The following CCNYL1 variants were observed in gnomAD, a reference collection of about 807,000 sequenced individuals.
The protein encoded by CCNYL1 is cyclin-Y-like protein 1.
CCNYL1 carries 16 observed loss-of-function variants against 44.2 expected under a neutral mutation model. The ratio of observed to expected loss-of-function variants is 0.36; its 90% confidence interval spans 0.25 to 0.55. The LOEUF is 0.55. CCNYL1 is among the 20% of genes least tolerant of loss of function. The pLI is 0.85. For missense variants in CCNYL1, 348 were observed against 451.8 expected, an observed-to-expected ratio of 0.77 and a Z score of 2.08; for synonymous variants, 159 against 163.2, an observed-to-expected ratio of 0.97 and a Z score of 0.20.
chr2:207,728,518 C>CA (rs2091697861), intron 3 of CCNYL1, among the ~76,000 whole-genome samples: 1 of 152,016 alleles, frequency 6.6e-6, no homozygotes, highest in Admixed American at 6.6e-5. Context: ...TCAAGCCATC[C>CA]ACCTGCATCA....
At chr2:207,730,928 C>T (rs545637106) in intron 3 of CCNYL1, among the ~76,000 whole-genome samples, 33 of 152,156 alleles carry the variant, frequency 2.2e-4, no homozygotes, top group African/African-American at 7.5e-4. Context: ...GTCAATCTGC[C>T]ATGTTTAACC....
intron 1 of CCNYL1, among the ~76,000 whole-genome samples, chr2:207,722,756 T>G (rs1473084690): frequency 1.3e-5 from 2 of 151,980 alleles, no homozygotes; most frequent in African/African-American, 4.8e-5. Flanking sequence ...GTCAGGAGTT[T>G]GAGACCAGCC....
intron 1 of CCNYL1, among the ~76,000 whole-genome samples, chr2:207,715,679 CTTTT>C (rs368268330): frequency 7.2e-6 from 1 of 139,368 alleles, no homozygotes; most frequent in Non-Finnish European, 1.6e-5. Context: ...CGCGCCTGGC[CTTTT>C]TTTTTTTTTT....
chr2:207,751,187 A>C, intron 9 of CCNYL1, 68 bp downstream of exon 9: 3 of 1,375,864 alleles, frequency 2.2e-6, no homozygotes, highest in Non-Finnish European at 3.0e-6. Flanking sequence ...TGACTAAATC[A>C]TATTAAGTAG....
At chr2:207,750,525 G>C (rs1183243676) in intron 8 of CCNYL1, among the ~76,000 whole-genome samples, 1 of 152,120 alleles carries the variant, frequency 6.6e-6, no homozygotes, top group African/African-American at 2.4e-5. Flanking sequence ...CCTTTTGTTG[G>C]TGCTTCTCTA....
intron 1 of CCNYL1, among the ~76,000 whole-genome samples, chr2:207,716,739 G>A (rs568301106): frequency 6.6e-6 from 1 of 152,292 alleles, no homozygotes; most frequent in South Asian, 2.1e-4. Context: ...TTTGATGACT[G>A]ATGCCTTGTA....
At chr2:207,741,740 G>A (rs1224583222) in intron 6 of CCNYL1, among the ~76,000 whole-genome samples, 1 of 151,996 alleles carries the variant, frequency 6.6e-6, no homozygotes, top group Non-Finnish European at 1.5e-5. Flanking sequence ...CAGCTACTCA[G>A]GAGGCTGAGG....
intron 4 of CCNYL1, among the ~76,000 whole-genome samples, chr2:207,737,071 A>G (rs2091771321): frequency 6.6e-6 from 1 of 152,052 alleles, no homozygotes; most frequent in Non-Finnish European, 1.5e-5. Flanking sequence ...GCCTGCTACC[A>G]CGCCCGGCTA....
chr2:207,753,638 A>G lies in CCNYL1; in HGVS notation c.1020A>G (p.Arg340=), dbSNP rs755287700. The change falls in exon 10 of 10, where the codon AGA becomes AGG. Residue 340 remains arginine, a synonymous_variant. Coordinates refer to ENST00000295414, the MANE Select transcript of CCNYL1 (RefSeq NM_001330218.2). The part of the protein sequence containing the change: ...EDKDLCRAAM[R]RSFSADNFIG... Reference sequence around the variant, plus strand: ...AAGACTTGTGTAGAGCCGCTATGAGAAGGTCTTTCAGTGCTGATAACTTCA... The same window carrying G: ...AAGACTTGTGTAGAGCCGCTATGAGGAGGTCTTTCAGTGCTGATAACTTCA... The G allele has an allele frequency of 1.9e-6, 3 of 1,613,186 alleles. No homozygotes were observed. Among genetic ancestry groups the G allele is most frequent in the Non-Finnish European group, 2.5e-6 (3 of 1,179,494 alleles).
At chr2:207,737,565 C>G in intron 5 of CCNYL1, 119 bp downstream of exon 5, 1 of 722,900 alleles carries the variant, frequency 1.4e-6, no homozygotes, top group Non-Finnish European at 2.2e-6. Flanking sequence ...CAGTATTGAA[C>G]TGAATCATTT....
At chr2:207,741,062 T>C (rs1262537022) in intron 6 of CCNYL1, among the ~76,000 whole-genome samples, 1 of 151,448 alleles carries the variant, frequency 6.6e-6, no homozygotes, top group African/African-American at 2.4e-5. Flanking sequence ...AAGACCATCC[T>C]GGCTAACACA....
rs1290926422 is a variant in CCNYL1, at chr2:207,754,248, A to C, written c.*550A>C. On this transcript the variant is annotated 3_prime_UTR_variant, in exon 10 of 10. Transcript: ENST00000295414. ...CCATTGAAGCTGCTAGTCATTGGCA[A>C]TCATTTTAAACCAAAAAGCTGCTGG... 6.6e-6 allele frequency: 1 copy of C among 152,664 alleles called. No homozygotes were observed. The highest frequency in any genetic ancestry group is 1.5e-5 in the Non-Finnish European group (1 of 68,058). 9.5% of individuals were successfully genotyped at this position (152,664 alleles called of 1,614,324 possible). A position where few individuals can be genotyped will look rare whatever the true frequency, so the allele number is the denominator to read the frequency against.
chr2:207,715,408 G>C (rs1442603234), intron 1 of CCNYL1, among the ~76,000 whole-genome samples: 1 of 109,374 alleles, frequency 9.1e-6, no homozygotes, highest in Admixed American at 1.2e-4. Context: ...TTTTGACAGA[G>C]CTTCACTCTT....
At chr2:207,732,814 C>T (rs945388247) in intron 3 of CCNYL1, among the ~76,000 whole-genome samples, 14 of 152,160 alleles carry the variant, frequency 9.2e-5, no homozygotes, top group Admixed American at 9.2e-4. Context: ...AGTTCATAGT[C>T]ACCTCCTTGA....
chr2:207,713,886 A>G (rs1451396826), intron 1 of CCNYL1, among the ~76,000 whole-genome samples: 1 of 152,226 alleles, frequency 6.6e-6, no homozygotes, highest in African/African-American at 2.4e-5. Flanking sequence ...ATGCTCTCTT[A>G]GTGGTGTCAG....
chr2:207,743,149 C>T (rs2091824629), intron 7 of CCNYL1, among the ~76,000 whole-genome samples: 1 of 152,162 alleles, frequency 6.6e-6, no homozygotes, highest in Non-Finnish European at 1.5e-5. Context: ...AATAGAAGCC[C>T]CTCAGTGGGT....
intron 1 of CCNYL1, among the ~76,000 whole-genome samples, chr2:207,720,187 C>CAA (rs747214958): frequency 0.061 from 3,353 of 55,368 alleles, 298 homozygotes; most frequent in African/African-American, 0.12. Context: ...GACTCCGTCT[C>CAA]AAAAAAAAAA....
intron 1 of CCNYL1, among the ~76,000 whole-genome samples, chr2:207,717,523 A>G (rs2091606355): frequency 6.6e-6 from 1 of 152,170 alleles, no homozygotes; most frequent in African/African-American, 2.4e-5. Context: ...CAAGAATGTT[A>G]GGTGGTGAGG....
intron 6 of CCNYL1, 91 bp downstream of exon 6, chr2:207,740,797 C>T (rs2091803249): frequency 1.3e-6 from 1 of 748,298 alleles, no homozygotes; most frequent in Admixed American, 2.4e-5. Context: ...AACAAATATA[C>T]ATGATCTCTA....
Sources: allele counts gnomAD v4.1 joint callset (sites outside exome capture counted in the v4.1 genomes callset), GRCh38; gene constraint gnomAD v4.1.1; transcripts MANE v1.5; gene names NCBI Gene and HGNC (gene_info 2026-07-23, HGNC 2026-07-21).